The following UHMK1 variants were observed in gnomAD, a reference collection of about 807,000 sequenced individuals.
UHMK1 encodes the protein U2AF homology motif kinase 1.
In UHMK1, 18 loss-of-function variants were observed where a neutral mutation model predicts 44.0. That is an observed-to-expected ratio of 0.41 (90% confidence interval 0.28 to 0.61). UHMK1 has a LOEUF of 0.61. Ranked by LOEUF, UHMK1 falls within the 20% of genes least tolerant of loss-of-function variation. UHMK1 has a pLI of 0.31. For missense variants in UHMK1, 463 were observed against 522.5 expected (o/e 0.89, Z 1.11); for synonymous variants, 231 against 198.5 (o/e 1.16, Z -1.38).
intron 4 of UHMK1, among the ~76,000 whole-genome samples, chr1:162,504,902 G>C (rs1381382591): frequency 6.6e-6 from 1 of 152,076 alleles, no homozygotes; most frequent in Non-Finnish European, 1.5e-5. Context: ...AGCCTCTTGA[G>C]TAGCTGGAAT....
At chr1:162,509,348 A>G (rs550575514) in intron 4 of UHMK1, among the ~76,000 whole-genome samples, 11 of 152,182 alleles carry the variant, frequency 7.2e-5, no homozygotes, top group Non-Finnish European at 1.5e-4. Flanking sequence ...GCACTGAAAG[A>G]AAGCTTTGGC....
chr1:162,498,843 T>C lies in UHMK1; in HGVS notation c.268+575T>C, dbSNP rs554094178. On this transcript the variant is annotated intron_variant, in intron 1 of 7. Transcript: ENST00000489294. ...TAAGATATGTAATGATCACTGATGA[T>C]TGATCTGTGAAAAGGTTTCATTTTC... Among the ~76,000 whole-genome samples the C allele has an allele frequency of 9.8e-5, 15 of 152,384 alleles. No homozygotes were observed. The South Asian group carries it at 3.1e-3, about 32-fold the overall frequency.
chr1:162,501,171 AT>A (rs5778280), intron 3 of UHMK1, 67 bp downstream of exon 3: 7,683 of 1,203,038 alleles, frequency 6.4e-3, no homozygotes, highest in South Asian at 9.6e-3. Context: ...ATTTATGATG[AT>A]TTTTTTTTTT....
At position 162,501,837 on chromosome 1, in the gene UHMK1, C is replaced by A. The variant is rs895275231; in HGVS notation, c.753+733C>A. On this transcript the variant is annotated intron_variant, in intron 3 of 7. Transcript: ENST00000489294. ...GCATGGTGGCTCACACCTGTAATCC[C>A]AGCACTTTTGGAGGCTGAGGTGGGA... Among the ~76,000 whole-genome samples, 10 of 151,386 alleles carry A rather than the reference C, an allele frequency of 6.6e-5. No individual in the cohort carries two copies. In the South Asian group the frequency reaches 1.7e-3, roughly 25 times the overall value.
In UHMK1 at chr1:162,525,458, T is replaced by C. The variant is rs1039100817; in HGVS notation, c.*2908T>C. On this transcript the variant is annotated 3_prime_UTR_variant, in exon 8 of 8. Transcript: ENST00000489294. ...TTCTTTGGGGTATTACTGTGGCACA[T>C]TGTACACCCAGAAAAGGCACATACA... The C allele has an allele frequency of 2.6e-5, 4 of 152,302 alleles. No homozygotes were observed. In the East Asian group the frequency reaches 5.8e-4, roughly 22 times the overall value. The allele number at this position is 152,302 out of a possible 1,614,324, so 9.4% of individuals were successfully genotyped here. A position where few individuals can be genotyped will look rare whatever the true frequency, so the allele number is the denominator to read the frequency against.
intron 6 of UHMK1, among the ~76,000 whole-genome samples, chr1:162,516,891 A>G (rs1412783712): frequency 6.6e-6 from 1 of 152,254 alleles, no homozygotes; most frequent in Non-Finnish European, 1.5e-5. Context: ...ACATTTTTGT[A>G]CATTACTAGA....
At chr1:162,507,622 T>C (rs1017601283) in intron 4 of UHMK1, among the ~76,000 whole-genome samples, 3 of 145,640 alleles carry the variant, frequency 2.1e-5, no homozygotes, top group African/African-American at 7.6e-5. Flanking sequence ...AGTCTCACTC[T>C]GTCGCCCAGG....
chr1:162,500,355 C>A (rs1651223068), intron 2 of UHMK1, 108 bp downstream of exon 2: 18 of 1,283,026 alleles, frequency 1.4e-5, no homozygotes, highest in South Asian at 1.6e-5. Context: ...GTCATTTTAA[C>A]CTAAATTACT....
chr1:162,517,343 T>C (rs1651867042), intron 6 of UHMK1, among the ~76,000 whole-genome samples: 1 of 152,010 alleles, frequency 6.6e-6, no homozygotes, highest in African/African-American at 2.4e-5. Context: ...AAATGAGATA[T>C]GCATAGGGGG....
intron 2 of UHMK1, 194 bp downstream of exon 2, chr1:162,500,441 G>C: frequency 1.6e-6 from 1 of 625,054 alleles, no homozygotes; most frequent in Non-Finnish European, 2.7e-6. Context: ...GTTTGGGTCA[G>C]GTAGGAGGAG....
chr1:162,503,629 AAAG>A, intron 3 of UHMK1, 122 bp from the exon 4 acceptor site: 8 of 595,082 alleles, frequency 1.3e-5, no homozygotes, highest in South Asian at 2.7e-5. Flanking sequence ...AAAAAAAAAA[AAAG>A]ATTGTAGGCT....
chr1:162,498,034 C>T lies in UHMK1; in HGVS notation c.34C>T (p.Pro12Ser), dbSNP rs901495197. Residue 12 changes from proline to serine, a missense_variant, in exon 1 of 8, where the codon CCG becomes TCG. Transcript: ENST00000489294. ...AGSGCAWGAE[P>S]PRFLEAFGRL... Reference sequence around the variant, plus strand: ...ATCCGGCTGCGCCTGGGGCGCGGAGCCGCCGCGTTTTCTGGAGGCCTTCGG... The same window carrying T: ...ATCCGGCTGCGCCTGGGGCGCGGAGTCGCCGCGTTTTCTGGAGGCCTTCGG... 4 of 1,598,448 alleles carry T rather than the reference C, an allele frequency of 2.5e-6. No homozygotes were observed. Among genetic ancestry groups the T allele is most frequent in the South Asian group, 2.2e-5 (2 of 89,978 alleles).
At position 162,498,117 on chromosome 1, in the gene UHMK1, G is replaced by A. The variant is rs776181012; in HGVS notation, c.117G>A (p.Arg39=). 1 of 1,612,486 alleles carries A rather than the reference G, an allele frequency of 6.2e-7. No homozygotes were observed. Among genetic ancestry groups the A allele is most frequent in the South Asian group, 1.1e-5 (1 of 91,012 alleles). ...LGSGSSASVY[R]VRCCGNPGSP... is the part of the protein sequence containing the mutation. ...GCGGCTCCTCCGCCTCGGTGTATCG[G>A]GTTCGCTGCTGCGGCAACCCTGGCT... The change falls in exon 1 of 8, where the codon CGG becomes CGA. Residue 39 remains arginine, a synonymous_variant. Coordinates refer to ENST00000489294, the MANE Select transcript of UHMK1 (RefSeq NM_175866.5).
chr1:162,502,636 G>T (rs886583754), intron 3 of UHMK1, among the ~76,000 whole-genome samples: 5 of 152,122 alleles, frequency 3.3e-5, no homozygotes, highest in Admixed American at 2.6e-4. Context: ...GGGGTGATGT[G>T]TAGTAATGGG....
intron 4 of UHMK1, among the ~76,000 whole-genome samples, chr1:162,504,101 C>T (rs1408539517): frequency 6.6e-6 from 1 of 152,084 alleles, no homozygotes; most frequent in Non-Finnish European, 1.5e-5. Context: ...CCTGGCAGTT[C>T]TGGATACTTG....
At chr1:162,502,496 C>T (rs1651308735) in intron 3 of UHMK1, among the ~76,000 whole-genome samples, 1 of 152,056 alleles carries the variant, frequency 6.6e-6, no homozygotes, top group Admixed American at 6.6e-5. Flanking sequence ...CGTATTCTTT[C>T]TTGGTGCTAA....
intron 4 of UHMK1, among the ~76,000 whole-genome samples, chr1:162,511,189 CTTTTTTTT>C (rs142796500): frequency 4.0e-5 from 4 of 101,004 alleles, no homozygotes; most frequent in Non-Finnish European, 5.8e-5. Flanking sequence ...TTTTCTTTTT[CTTTTTTTT>C]TTTTTTTTTT....
chr1:162,508,775 T>G (rs1196617883), intron 4 of UHMK1, among the ~76,000 whole-genome samples: 1 of 137,622 alleles, frequency 7.3e-6, no homozygotes, highest in East Asian at 2.6e-4. Context: ...ATTTTGCAGT[T>G]TTTTTTTTGT....
chr1:162,517,869 T>C (rs1352599437), intron 6 of UHMK1, among the ~76,000 whole-genome samples: 3 of 151,248 alleles, frequency 2.0e-5, no homozygotes, highest in Non-Finnish European at 2.9e-5. Flanking sequence ...AGCGAGACTC[T>C]GTCTAAAAAA....
Sources: allele counts gnomAD v4.1 joint callset (sites outside exome capture counted in the v4.1 genomes callset), GRCh38; gene constraint gnomAD v4.1.1; transcripts MANE v1.5; gene names NCBI Gene and HGNC (gene_info 2026-07-23, HGNC 2026-07-21).